Variants in FUT8 observed in about 807,000 individuals in gnomAD.
The protein encoded by FUT8 is fucosyltransferase 8, also known as alpha-(1,6)-fucosyltransferase.
Under a neutral mutation model 71.3 loss-of-function variants are expected in FUT8, and 29 were observed. That is an observed-to-expected ratio of 0.41 (90% CI 0.30 to 0.55). The LOEUF is 0.55. Ranked by LOEUF, FUT8 falls within the 20% of genes least tolerant of loss-of-function variation. The pLI is 0.34. For synonymous variants in FUT8, 254 were observed against 239.3 expected, an observed-to-expected ratio of 1.06 and a Z score of -0.57; for missense variants, 544 against 702.1, an observed-to-expected ratio of 0.77 and a Z score of 2.55.
intron 6 of FUT8, among the ~76,000 whole-genome samples, chr14:65,644,554 G>C (rs894503782): frequency 6.6e-6 from 1 of 151,714 alleles, no homozygotes. Flanking sequence ...GTAGAGACGG[G>C]GTTTCACCGT....
At position 65,742,128 on chromosome 14, in the gene FUT8, A is replaced by G. The variant is rs766755169; in HGVS notation, c.1446A>G (p.Leu482=). Residue 482 remains leucine, a synonymous_variant, in exon 11 of 11, where the codon CTA becomes CTG. Transcript: ENST00000673929. ...CRVAYEIMQT[L]HPDASANFHS... ...TTGCTTATGAAATTATGCAAACACT[A>G]CATCCTGATGCCTCTGCAAACTTCC... 6 of 1,612,940 alleles carry G rather than the reference A, an allele frequency of 3.7e-6. No individual in the cohort carries two copies. The highest frequency in any genetic ancestry group is 5.1e-6 in the Non-Finnish European group (6 of 1,179,240).
the FUT8 span, among the ~76,000 whole-genome samples, chr14:65,390,948 G>A: frequency 1.3e-5 from 2 of 152,014 alleles, no homozygotes; most frequent in Admixed American, 1.3e-4. Flanking sequence ...GGATGGTCTC[G>A]ATCTCCTGAC....
upstream of FUT8, among the ~76,000 whole-genome samples, chr14:65,410,416 G>T (rs917975312): frequency 2.6e-5 from 4 of 152,162 alleles, no homozygotes; most frequent in East Asian, 3.8e-4. Flanking sequence ...TCCATCACAG[G>T]TGGAGAAGCA....
chr14:65,508,557 A>G (rs372596599), intron 2 of FUT8, among the ~76,000 whole-genome samples: 11 of 127,852 alleles, frequency 8.6e-5, no homozygotes, highest in South Asian at 5.1e-4. Flanking sequence ...CTGGAGTGCA[A>G]TGGCATAATC....
chr14:65,673,598 A>G (rs1045170995), intron 7 of FUT8, among the ~76,000 whole-genome samples: 1 of 152,252 alleles, frequency 6.6e-6, no homozygotes, highest in African/African-American at 2.4e-5. Context: ...TGGGCACAAC[A>G]TGTAAAAAGA....
At chr14:65,629,388 G>A (rs530655183) in intron 5 of FUT8, 104 bp from the exon 6 acceptor site, 204 of 679,990 alleles carry the variant, frequency 3.0e-4, no homozygotes, top group Non-Finnish European at 4.8e-4. Context: ...GTGTCAATGC[G>A]AGCATCAATC....
chr14:65,724,094 T>G, intron 8 of FUT8, 53 bp from the exon 9 acceptor site: 2 of 1,372,346 alleles, frequency 1.5e-6, no homozygotes, highest in Non-Finnish European at 9.6e-7. Flanking sequence ...TTGAGTACCC[T>G]CAAAGCACCC....
At chr14:65,357,908 A>G in the FUT8 span, among the ~76,000 whole-genome samples, 3 of 152,210 alleles carry the variant, frequency 2.0e-5, no homozygotes, top group Non-Finnish European at 2.9e-5. Flanking sequence ...AACTTGGAGG[A>G]CATTATGTTA....
chr14:65,671,004 C>T (rs74058555), intron 7 of FUT8, among the ~76,000 whole-genome samples: 5 of 152,268 alleles, frequency 3.3e-5, no homozygotes, highest in East Asian at 1.9e-4. Context: ...GTACTTTTCA[C>T]GGCTAGTGCC....
the FUT8 span, among the ~76,000 whole-genome samples, chr14:65,376,957 G>A: frequency 3.3e-5 from 5 of 152,262 alleles, no homozygotes; most frequent in African/African-American, 1.2e-4. Flanking sequence ...GAAGAGCCTG[G>A]CAATGTTAGA....
At chr14:65,570,748 A>T (rs1221297984) in intron 3 of FUT8, among the ~76,000 whole-genome samples, 1 of 152,120 alleles carries the variant, frequency 6.6e-6, no homozygotes, top group Non-Finnish European at 1.5e-5. Flanking sequence ...TGTCGTGTTA[A>T]AGTGAATTAA....
At position 65,638,239 on chromosome 14, in the gene FUT8, TCTCA is replaced by T. The variant is rs966944494; in HGVS notation, c.597+8636_597+8639del. On this transcript the variant is annotated intron_variant, in intron 6 of 10. Transcript: ENST00000673929. This position sits in a 1 kb window ranked among gnomAD's most constrained non-coding sequence, Gnocchi z 4.5. ...CTAACCAGCCCCTAACTGCCTCCTC[TCTCA>T]CTGTGTTGCCCAGGCTGGTCTCAAA... is the stretch of plus-strand genomic sequence containing the variant. Among the ~76,000 whole-genome samples the T allele has an allele frequency of 1.3e-5, 2 of 152,104 alleles. No individual in the cohort carries two copies. Among genetic ancestry groups the T allele is most frequent in the African/African-American group, 4.8e-5 (2 of 41,426 alleles).
intron 3 of FUT8, among the ~76,000 whole-genome samples, chr14:65,595,711 C>G (rs1887938778): frequency 7.0e-6 from 1 of 143,398 alleles, no homozygotes; most frequent in African/African-American, 2.6e-5. Context: ...CGGGTTCATG[C>G]TGTTCTCCTG....
intron 3 of FUT8, among the ~76,000 whole-genome samples, chr14:65,610,500 C>G (rs769282151): frequency 1.3e-5 from 2 of 151,708 alleles, no homozygotes; most frequent in Non-Finnish European, 2.9e-5. Context: ...AGCAATTCTC[C>G]TGCCTCAGCC....
At chr14:65,368,119 T>C in the FUT8 span, among the ~76,000 whole-genome samples, 4 of 148,164 alleles carry the variant, frequency 2.7e-5, no homozygotes, top group East Asian at 7.9e-4. Context: ...AGTGGTGCGA[T>C]CTCGGCTTAC....
At chr14:65,485,171 T>A (rs1441286688) in intron 2 of FUT8, among the ~76,000 whole-genome samples, 1 of 150,282 alleles carries the variant, frequency 6.7e-6, no homozygotes, top group Non-Finnish European at 1.5e-5. Context: ...ACTTCGTCTC[T>A]ATTAAAAAAA....
At chr14:65,466,198 A>G (rs896981863) in intron 2 of FUT8, among the ~76,000 whole-genome samples, 10 of 152,212 alleles carry the variant, frequency 6.6e-5, no homozygotes, top group South Asian at 4.2e-4. Context: ...TGTAGACATC[A>G]TATAGTAGGG....
intron 7 of FUT8, among the ~76,000 whole-genome samples, chr14:65,708,762 A>G (rs549083755): frequency 1.3e-5 from 2 of 152,330 alleles, no homozygotes; most frequent in South Asian, 2.1e-4. Context: ...CAAACACTGT[A>G]TAATCTCACA....
chr14:65,573,218 C>T (rs891108459), intron 3 of FUT8, among the ~76,000 whole-genome samples: 3 of 151,902 alleles, frequency 2.0e-5, no homozygotes, highest in African/African-American at 7.3e-5. Context: ...CAAGCTTTGC[C>T]TGCTCCCCAC....
Sources: gnomAD v4.1 joint callset for allele counts (sites outside exome capture counted in the v4.1 genomes callset) on GRCh38, gnomAD v4.1.1 for gene constraint, Gnocchi (gnomAD v3.1) non-coding constraint, MANE v1.5 for transcripts, NCBI Gene and HGNC (gene_info 2026-07-23, HGNC 2026-07-21) for gene names.